Variants in SUMF1 observed in about 807,000 individuals in gnomAD.
SUMF1 encodes the protein sulfatase modifying factor 1.
SUMF1 carries 48 observed loss-of-function variants against 47.6 expected under a neutral mutation model. That is an observed-to-expected ratio of 1.01 (90% CI 0.80 to 1.28). SUMF1 has a LOEUF of 1.28. Ranked by LOEUF, SUMF1 falls within the 50% of genes most tolerant of loss-of-function variation. SUMF1 has a pLI of 0.00. For synonymous variants in SUMF1, 230 were observed against 192.1 expected, an observed-to-expected ratio of 1.20 and a Z score of -1.63; for missense variants, 571 against 485.4, an observed-to-expected ratio of 1.18 and a Z score of -1.66.
chr3:4,391,590 T>C (rs972129250), intron 7 of SUMF1, among the ~76,000 whole-genome samples: 1 of 152,092 alleles, frequency 6.6e-6, no homozygotes, highest in African/African-American at 2.4e-5. Context: ...CCAGGAGATC[T>C]TTCCACCTAA....
intron 8 of SUMF1, among the ~76,000 whole-genome samples, chr3:4,119,707 TACACAAACACACACACACAC>T (rs1693496899): frequency 6.8e-6 from 1 of 147,888 alleles, no homozygotes; most frequent in Non-Finnish European, 1.5e-5. Flanking sequence ...CACACACACA[TACACAAACACACACACACAC>T]ACACACACAA....
At chr3:4,313,403 T>A (rs1698499558) in intron 8 of SUMF1, 1 of 1,613,860 alleles carries the variant, frequency 6.2e-7, no homozygotes, top group South Asian at 1.1e-5. Context: ...ATTGGAAGAT[T>A]CCTTAATCAT....
At chr3:4,357,932 T>C (rs2125166959), downstream of SUMF1, among the ~76,000 whole-genome samples, 1 of 152,150 alleles carries the variant, frequency 6.6e-6, no homozygotes, top group African/African-American at 2.4e-5. Context: ...CTAAAATAAA[T>C]GGTAGCTTCC....
At chr3:4,135,050 G>A (rs969255337) in intron 8 of SUMF1, among the ~76,000 whole-genome samples, 3 of 152,126 alleles carry the variant, frequency 2.0e-5, no homozygotes, top group Admixed American at 2.0e-4. Flanking sequence ...GGTACACGGA[G>A]GAGCTGGTAC....
chr3:4,337,686 A>G (rs1219040708), intron 8 of SUMF1, among the ~76,000 whole-genome samples: 2 of 152,204 alleles, frequency 1.3e-5, no homozygotes, highest in African/African-American at 4.8e-5. Context: ...GGATACAGAA[A>G]AGTGCTTTCA....
At chr3:4,055,491 TA>T (rs1411538431) in intron 9 of SUMF1, among the ~76,000 whole-genome samples, 1 of 152,112 alleles carries the variant, frequency 6.6e-6, no homozygotes, top group African/African-American at 2.4e-5. Flanking sequence ...ATTTTATTAT[TA>T]ATTTTTTAGA....
chr3:4,350,564 T>C (rs1699478489), intron 8 of SUMF1, among the ~76,000 whole-genome samples: 1 of 152,198 alleles, frequency 6.6e-6, no homozygotes, highest in African/African-American at 2.4e-5. Context: ...TATTTATGCT[T>C]TGAGTTTCTA....
intron 1 of SUMF1, among the ~76,000 whole-genome samples, chr3:4,464,528 C>A (rs966550155): frequency 6.6e-6 from 1 of 151,990 alleles, no homozygotes; most frequent in Admixed American, 6.6e-5. Context: ...TCTTACATAA[C>A]AAGTGTTATA....
In SUMF1 at chr3:4,281,048, G is replaced by A. The variant is rs371334039; in HGVS notation, c.1014+95282C>T. Among the ~76,000 whole-genome samples the A allele has an allele frequency of 2.6e-4, 40 of 152,078 alleles. No individual in the cohort carries two copies. In the South Asian group the frequency reaches 7.5e-3, roughly 28 times the overall value. On this transcript the variant is annotated intron_variant and NMD_transcript_variant, in intron 8 of 12. Coordinates refer to the SUMF1 transcript ENST00000448413. ...TTTGAGTGGGGTAACAGTGGGGGTCGGGGGGCCACAAATCAATCCATAACA... is the reference window on the plus strand; with the variant it reads ...TTTGAGTGGGGTAACAGTGGGGGTCAGGGGGCCACAAATCAATCCATAACA...
chr3:4,457,772 TGAAACTGTAAA>T (rs1463424110), intron 1 of SUMF1, among the ~76,000 whole-genome samples: 4 of 152,190 alleles, frequency 2.6e-5, no homozygotes. Flanking sequence ...ATGTACAGTC[TGAAACTGTAAA>T]ACTACTAGAA....
chr3:4,389,310 G>T (rs1263498245), intron 7 of SUMF1, among the ~76,000 whole-genome samples: 1 of 150,942 alleles, frequency 6.6e-6, no homozygotes, highest in African/African-American at 2.5e-5. Context: ...TCACCAATGG[G>T]AAATCCATTG....
intron 8 of SUMF1, among the ~76,000 whole-genome samples, chr3:4,179,474 G>A (rs547542379): frequency 2.0e-5 from 3 of 152,252 alleles, no homozygotes; most frequent in South Asian, 4.1e-4. Context: ...GGGAAAACTG[G>A]CTAGCTATAC....
chr3:4,245,479 T>G (rs1247298635), intron 8 of SUMF1, among the ~76,000 whole-genome samples: 4 of 152,174 alleles, frequency 2.6e-5, no homozygotes, highest in African/African-American at 9.7e-5. Flanking sequence ...TAGTTTTCCT[T>G]CTAACAGACA....
chr3:4,064,139 G>A (rs1322046760), intron 9 of SUMF1, among the ~76,000 whole-genome samples: 1 of 152,000 alleles, frequency 6.6e-6, no homozygotes, highest in Admixed American at 6.6e-5. Flanking sequence ...CAGAGGTTAG[G>A]CATTCTCAGT....
chr3:4,378,992 T>C (rs1230144373), intron 7 of SUMF1, among the ~76,000 whole-genome samples: 1 of 152,222 alleles, frequency 6.6e-6, no homozygotes, highest in African/African-American at 2.4e-5. Context: ...CTTATCACAG[T>C]GACGCAAGTA....
Position 4,345,812 on chromosome 3 carries a change from T to C in SUMF1, c.1014+30518A>G, listed in dbSNP as rs140184278. 4.9e-3 allele frequency among the ~76,000 whole-genome samples: 737 copies of C among 151,656 alleles called. 7 individuals are homozygous for C. The highest frequency in any genetic ancestry group is 0.017 in the African/African-American group (707 of 41,276). ...CCCATCTTACATGCAAAGACACACA[T>C]AGGCTCAAAATAAAGGGATGGAGGA... On this transcript the variant is annotated intron_variant and NMD_transcript_variant, in intron 8 of 12. Coordinates refer to the SUMF1 transcript ENST00000448413.
chr3:4,152,807 CCA>C (rs952011594), intron 8 of SUMF1, among the ~76,000 whole-genome samples: 3 of 151,498 alleles, frequency 2.0e-5, no homozygotes, highest in African/African-American at 7.4e-5. Context: ...AAACAAAACC[CCA>C]GACACTTAAC....
chr3:4,456,677 T>TAC, intron 1 of SUMF1, among the ~76,000 whole-genome samples: 1 of 137,586 alleles, frequency 7.3e-6, no homozygotes, highest in Non-Finnish European at 1.5e-5. Context: ...TATATACGTG[T>TAC]ATATATATAT....
intron 8 of SUMF1, among the ~76,000 whole-genome samples, chr3:4,218,110 T>TA (rs796825788): frequency 2.1e-4 from 31 of 146,950 alleles, no homozygotes; most frequent in South Asian, 1.3e-3. Flanking sequence ...TTTACTTCTT[T>TA]AAAAAAAAAA....
Sources: gnomAD v4.1 joint callset for allele counts (sites outside exome capture counted in the v4.1 genomes callset) on GRCh38, gnomAD v4.1.1 for gene constraint, MANE v1.5 for transcripts, NCBI Gene and HGNC (gene_info 2026-07-23, HGNC 2026-07-21) for gene names.